NRXN1: variants seen among roughly 807,000 people sequenced by gnomAD.
NRXN1 encodes neurexin-1.
A neutral mutation model predicts 150.9 loss-of-function variants in NRXN1; 39 were observed. That is an observed-to-expected ratio of 0.26 (90% confidence interval 0.20 to 0.34). The LOEUF (loss-of-function observed/expected upper bound fraction) is 0.34. Ranked by LOEUF, NRXN1 falls within the 10% of genes least tolerant of loss-of-function variation. The probability of loss-of-function intolerance (pLI) is 1.00; values close to 1 mark genes in which losing one functional copy is unlikely to be tolerated. For missense variants in NRXN1, 1,815 were observed against 1,949.9 expected, an observed-to-expected ratio of 0.93 and a Z score of 1.30; for synonymous variants, 924 against 757.0, an observed-to-expected ratio of 1.22 and a Z score of -3.62.
chr2:50,204,819 C>A (rs916121964), intron 18 of NRXN1, among the ~76,000 whole-genome samples: 3 of 151,810 alleles, frequency 2.0e-5, no homozygotes, highest in Non-Finnish European at 4.4e-5. Flanking sequence ...TGTTTTCTGG[C>A]ATACCAAAAA....
At chr2:51,008,748 T>A (rs2105167476) in intron 2 of NRXN1, among the ~76,000 whole-genome samples, 1 of 151,782 alleles carries the variant, frequency 6.6e-6, no homozygotes, top group Admixed American at 6.6e-5. Context: ...TATAAATTTA[T>A]AATTTACAAA....
At chr2:50,993,018 G>C (rs536965410) in intron 2 of NRXN1, among the ~76,000 whole-genome samples, 2 of 151,884 alleles carry the variant, frequency 1.3e-5, no homozygotes, top group Non-Finnish European at 2.9e-5. Context: ...CTAGTGACTT[G>C]TGAAATAACG....
chr2:50,843,930 G>T (rs1574675692), intron 5 of NRXN1, among the ~76,000 whole-genome samples: 2 of 151,884 alleles, frequency 1.3e-5, no homozygotes, highest in Non-Finnish European at 2.9e-5. Context: ...AACATAAAAA[G>T]GTCAGCCTTA....
intron 18 of NRXN1, among the ~76,000 whole-genome samples, chr2:50,213,139 CTTTAA>C (rs1197026951): frequency 6.6e-6 from 1 of 151,818 alleles, no homozygotes; most frequent in Admixed American, 6.6e-5. Flanking sequence ...ATCCCAAGAG[CTTTAA>C]TTTGAGAAAC....
intron 2 of NRXN1, among the ~76,000 whole-genome samples, chr2:50,965,902 TTTATA>T (rs1693995998): frequency 1.3e-5 from 2 of 151,570 alleles, no homozygotes; most frequent in Admixed American, 6.6e-5. Flanking sequence ...GTTTTATGTA[TTTATA>T]TTAAACTTTT....
intron 2 of NRXN1, among the ~76,000 whole-genome samples, chr2:50,953,876 G>A (rs906847665): frequency 3.3e-5 from 5 of 152,212 alleles, no homozygotes; most frequent in Middle Eastern, 3.4e-3. Flanking sequence ...TGACAAATAT[G>A]AGTCACACCA....
intron 15 of NRXN1, among the ~76,000 whole-genome samples, chr2:50,493,613 C>A (rs2091391232): frequency 6.6e-6 from 1 of 152,200 alleles, no homozygotes; most frequent in South Asian, 2.1e-4. Context: ...AGACAAGACA[C>A]ATCAGGCCCC....
At chr2:50,059,277 T>A (rs1160127997) in intron 19 of NRXN1, among the ~76,000 whole-genome samples, 1 of 152,218 alleles carries the variant, frequency 6.6e-6, no homozygotes, top group Non-Finnish European at 1.5e-5. Flanking sequence ...GCTCTACAGA[T>A]CTGTGGAACA....
intron 5 of NRXN1, among the ~76,000 whole-genome samples, chr2:50,818,787 C>T (rs1359398057): frequency 6.6e-6 from 1 of 151,906 alleles, no homozygotes; most frequent in Admixed American, 6.6e-5. Context: ...AAATCAATAA[C>T]CAAAATATAT....
At chr2:50,264,143 C>T (rs190500242) in intron 17 of NRXN1, among the ~76,000 whole-genome samples, 95 of 152,020 alleles carry the variant, frequency 6.2e-4, no homozygotes, top group African/African-American at 2.2e-3. Flanking sequence ...AAGGATAATA[C>T]GGCAGTAAGA....
At chr2:50,715,901 C>G (rs1293467635) in intron 5 of NRXN1, among the ~76,000 whole-genome samples, 1 of 152,116 alleles carries the variant, frequency 6.6e-6, no homozygotes. Context: ...CACTCATTTA[C>G]CATTTACCAT....
At chr2:50,207,118 T>C (rs1421080846) in intron 18 of NRXN1, among the ~76,000 whole-genome samples, 1 of 152,076 alleles carries the variant, frequency 6.6e-6, no homozygotes, top group Non-Finnish European at 1.5e-5. Context: ...GACTTACCGA[T>C]GGGGTATAAA....
At chr2:50,991,895 G>A (rs1050054821) in intron 2 of NRXN1, among the ~76,000 whole-genome samples, 2 of 151,890 alleles carry the variant, frequency 1.3e-5, no homozygotes, top group African/African-American at 4.8e-5. Flanking sequence ...TCCCCATGTG[G>A]CAACTGCTCT....
intron 2 of NRXN1, among the ~76,000 whole-genome samples, chr2:50,942,863 TTGAAATG>T (rs1002168719): frequency 1.2e-4 from 19 of 152,130 alleles, no homozygotes; most frequent in Admixed American, 5.9e-4. Flanking sequence ...ATGATTGGTT[TTGAAATG>T]TGAAAGAGAC....
At position 49,919,202 on chromosome 2, in the gene NRXN1, C is replaced by G. The variant is rs1181623754; in HGVS notation, c.*2742G>C. 3 of 152,128 alleles carry G rather than the reference C, an allele frequency of 2.0e-5. No individual in the cohort carries two copies. Among genetic ancestry groups the G allele is most frequent in the Non-Finnish European group, 1.5e-5 (1 of 67,980 alleles). 9.4% of individuals were successfully genotyped at this position (152,128 alleles called of 1,614,324 possible). ...GTCGTGTGAAATCCTCAATCAACTG[C>G]AAACTATGCAGGGAACCCTGATATG... is the stretch of plus-strand genomic sequence containing the variant. On this transcript the variant is annotated 3_prime_UTR_variant, in exon 23 of 23. Coordinates refer to ENST00000401669, the MANE Select transcript of NRXN1 (RefSeq NM_001330078.2).
At chr2:49,987,472 T>C (rs1471662485) in intron 21 of NRXN1, among the ~76,000 whole-genome samples, 1 of 152,200 alleles carries the variant, frequency 6.6e-6, no homozygotes, top group Non-Finnish European at 1.5e-5. Flanking sequence ...GTTGTTTCCC[T>C]ATTTGAAATT....
chr2:50,122,219 T>C (rs922560351), intron 18 of NRXN1, among the ~76,000 whole-genome samples: 32 of 152,254 alleles, frequency 2.1e-4, no homozygotes, highest in Admixed American at 2.0e-3. Context: ...CTTATCTGAA[T>C]GTGACAATGA....
At chr2:50,868,187 A>ATATATATATG (rs1445257364) in intron 5 of NRXN1, among the ~76,000 whole-genome samples, 2 of 90,930 alleles carry the variant, frequency 2.2e-5, no homozygotes, top group Non-Finnish European at 4.9e-5. Context: ...ATATATATAT[A>ATATATATATG]TGCATACACA....
intron 21 of NRXN1, among the ~76,000 whole-genome samples, chr2:49,944,920 C>G (rs1672621782): frequency 6.6e-6 from 1 of 151,924 alleles, no homozygotes; most frequent in African/African-American, 2.4e-5. Flanking sequence ...TAAAGGAGCA[C>G]CTAATATTGT....
Sources: gnomAD v4.1 joint callset for allele counts (sites outside exome capture counted in the v4.1 genomes callset) on GRCh38, gnomAD v4.1.1 for gene constraint, MANE v1.5 for transcripts, NCBI Gene and HGNC (gene_info 2026-07-23, HGNC 2026-07-21) for gene names.